The following FAM83D variants were observed in gnomAD, a reference collection of about 807,000 sequenced individuals.
FAM83D encodes the protein protein FAM83D.
FAM83D carries 26 observed loss-of-function variants against 25.4 expected under a neutral mutation model. The ratio of observed to expected loss-of-function variants is 1.02; its 90% CI spans 0.75 to 1.42. FAM83D has a LOEUF of 1.42. Ranked by LOEUF, FAM83D falls within the 40% of genes most tolerant of loss-of-function variation. The pLI is 0.00. For missense variants in FAM83D, 740 were observed against 758.1 expected, an observed-to-expected ratio of 0.98 and a Z score of 0.28; for synonymous variants, 310 against 318.5, an observed-to-expected ratio of 0.97 and a Z score of 0.28.
chr20:38,948,219 G>T (rs573891078), intron 3 of FAM83D, among the ~76,000 whole-genome samples: 1 of 152,206 alleles, frequency 6.6e-6, no homozygotes, highest in East Asian at 1.9e-4. Flanking sequence ...TTAAAATGCA[G>T]AAGTTGAACT....
At chr20:38,936,732 A>G (rs1351698830) in intron 1 of FAM83D, among the ~76,000 whole-genome samples, 2 of 152,118 alleles carry the variant, frequency 1.3e-5, no homozygotes, top group African/African-American at 4.8e-5. Flanking sequence ...AACCTCTCCA[A>G]GCTTTGGCTT....
At position 38,951,943 on chromosome 20, in the gene FAM83D, A is replaced by G. The variant is rs2085756959; in HGVS notation, c.1181A>G (p.Glu394Gly). The change falls in exon 4 of 4, where the codon GAG becomes GGG. Residue 394 changes from glutamate to glycine, a missense_variant. Physicochemically the swap from Glu to Gly is moderately conservative, Grantham distance 98. Transcript: ENST00000619850. ...GCCATTGACGCTGCCACTCAAACAG[A>G]GCCAGGAGAGGAGATGCCAGGGCTG... The part of the protein sequence containing the change: ...RKAIDAATQT[E>G]PGEEMPGLSV... The G allele has an allele frequency of 6.2e-7, 1 of 1,614,146 alleles. No individual in the cohort carries two copies. The highest frequency in any genetic ancestry group is 8.5e-7 in the Non-Finnish European group (1 of 1,180,028).
Position 38,951,668 on chromosome 20 carries a change from G to T in FAM83D, c.906G>T (p.Leu302=). The T allele has an allele frequency of 1.9e-6, 3 of 1,614,158 alleles. No individual in the cohort carries two copies. The highest frequency in any genetic ancestry group is 2.5e-6 in the Non-Finnish European group (3 of 1,180,032). The change falls in exon 4 of 4, where the codon CTG becomes CTT. Residue 302 remains leucine (L), a synonymous_variant. Transcript: ENST00000619850. ...CCAAGCCCATCAGCCCCAAACTCCT[G>T]TCTCACTTCCAGAGCAGCAACAAGT... ...AQSKPISPKL[L]SHFQSSNKFD...
chr20:38,934,541 G>A (rs1313391246), intron 1 of FAM83D, among the ~76,000 whole-genome samples: 1 of 151,534 alleles, frequency 6.6e-6, no homozygotes, highest in African/African-American at 2.4e-5. Context: ...TATAACCTCT[G>A]GAAGGGAATT....
intron 1 of FAM83D, among the ~76,000 whole-genome samples, chr20:38,937,324 A>G (rs986975507): frequency 6.6e-6 from 1 of 151,906 alleles, no homozygotes; most frequent in Admixed American, 6.6e-5. Flanking sequence ...TGCCTTCCAG[A>G]CATGCCATTG....
chr20:38,932,906 G>A (rs1221902641), intron 1 of FAM83D, among the ~76,000 whole-genome samples: 3 of 152,204 alleles, frequency 2.0e-5, no homozygotes, highest in African/African-American at 7.2e-5. Context: ...AGCGTTAGTA[G>A]TGGGGATCAT....
At chr20:38,929,295 G>A (rs954459388) in intron 1 of FAM83D, among the ~76,000 whole-genome samples, 1 of 152,336 alleles carries the variant, frequency 6.6e-6, no homozygotes, top group Admixed American at 6.5e-5. Flanking sequence ...GGGCCACAGG[G>A]GAAGGCATCA....
chr20:38,952,153 T>C lies in FAM83D; in HGVS notation c.1391T>C (p.Val464Ala). The change falls in exon 4 of 4, where the codon GTC (valine) becomes GCC (alanine). Residue 464 changes from valine (V) to alanine (A), a missense_variant. Transcript: ENST00000619850. ...RGTQSTEGSP[V>A]SKMSVSRSSS... ...ACTCAATCTACAGAAGGGTCACCAG[T>C]CTCAAAAATGTCTGTATCGAGATCT... 2 of 1,614,154 alleles carry C rather than the reference T, an allele frequency of 1.2e-6. No homozygotes were observed. Among genetic ancestry groups the C allele is most frequent in the Non-Finnish European group, 1.7e-6 (2 of 1,180,022 alleles).
chr20:38,944,064 A>C (rs1181781561), intron 2 of FAM83D, among the ~76,000 whole-genome samples: 1 of 152,246 alleles, frequency 6.6e-6, no homozygotes, highest in East Asian at 1.9e-4. Flanking sequence ...TGTAAAAATT[A>C]AGCATCTTAA....
chr20:38,952,863 G>A lies in FAM83D; in HGVS notation c.*343G>A, dbSNP rs1733. ...ACTGTATTTTTACTATACCTTTTCTGTGTTTAGATACAAATACCATTATGT... is the reference window on the plus strand; with the variant it reads ...ACTGTATTTTTACTATACCTTTTCTATGTTTAGATACAAATACCATTATGT... On this transcript the variant is annotated 3_prime_UTR_variant, in exon 4 of 4. Transcript: ENST00000619850. The A allele has an allele frequency of 0.34, 88,237 of 256,644 alleles. 16,217 individuals carry two copies. The highest frequency in any genetic ancestry group is 0.48 in the African/African-American group (21,168 of 44,252). 15.9% of individuals were successfully genotyped at this position (256,644 alleles called of 1,614,324 possible).
chr20:38,926,597 G>C lies in FAM83D; in HGVS notation c.155G>C (p.Arg52Pro). ...GGPEAFAAFL[R>P]RERLARFLNP... is the part of the protein sequence containing the mutation. Reference sequence around the variant, plus strand: ...CCCGAAGCCTTCGCGGCCTTCCTGCGACGCGAGCGCCTGGCTCGTTTCCTG... The same window carrying C: ...CCCGAAGCCTTCGCGGCCTTCCTGCCACGCGAGCGCCTGGCTCGTTTCCTG... Residue 52 changes from arginine to proline, a missense_variant, in exon 1 of 4, where the codon CGA (arginine) becomes CCA (proline). Arg to Pro is a moderately radical substitution (Grantham distance 103). Around this residue, in one of 3 missense-constraint regions of FAM83D, gnomAD observed 333 missense variants for 298.6 expected, o/e 1.12. Transcript: ENST00000619850. 6.5e-7 allele frequency: 1 copy of C among 1,546,266 alleles called. No homozygotes were observed. Among genetic ancestry groups the C allele is most frequent in the Non-Finnish European group, 8.7e-7 (1 of 1,152,258 alleles).
intron 1 of FAM83D, among the ~76,000 whole-genome samples, chr20:38,931,969 A>G (rs1464507288): frequency 1.3e-5 from 2 of 152,188 alleles, no homozygotes; most frequent in African/African-American, 2.4e-5. Context: ...CTCAGCAAGT[A>G]TTTGTCCCTG....
Position 38,952,093 on chromosome 20 carries a change from C to T in FAM83D, c.1331C>T (p.Thr444Ile). ...TIWSRSTTTQ[T>I]DMDENILFPR... ...TGGTCCAGATCGACCACTACTCAGA[C>T]TGACATGGATGAGAACATTCTCTTT... The change falls in exon 4 of 4, where the codon ACT becomes ATT. Residue 444 changes from threonine (T) to isoleucine (I), a missense_variant. By Grantham distance (89) the Thr-to-Ile change is moderately conservative. Transcript: ENST00000619850. 6.2e-7 allele frequency: 1 copy of T among 1,614,256 alleles called. No homozygotes were observed. The highest frequency in any genetic ancestry group is 8.5e-7 in the Non-Finnish European group (1 of 1,180,040).
At chr20:38,930,288 G>C (rs2085653584) in intron 1 of FAM83D, among the ~76,000 whole-genome samples, 1 of 152,216 alleles carries the variant, frequency 6.6e-6, no homozygotes, top group African/African-American at 2.4e-5. Context: ...GTCAGTTTCT[G>C]TGCTAAACCC....
At position 38,952,069 on chromosome 20, in the gene FAM83D, G is replaced by T. The variant is rs1280025879; in HGVS notation, c.1307G>T (p.Trp436Leu). The T allele has an allele frequency of 6.2e-7, 1 of 1,614,192 alleles. No individual in the cohort carries two copies. The highest frequency in any genetic ancestry group is 1.7e-5 in the Admixed American group (1 of 60,022). ...ATAGCAAGCTCTCAAACCACGATTT[G>T]GTCCAGATCGACCACTACTCAGACT... ...TRIASSQTTI[W>L]SRSTTTQTDM... The change falls in exon 4 of 4, where the codon TGG (tryptophan) becomes TTG (leucine). Residue 436 changes from tryptophan (W) to leucine (L), a missense_variant. Coordinates refer to ENST00000619850, the MANE Select transcript of FAM83D (RefSeq NM_030919.3).
At chr20:38,945,731 C>A (rs1190199638) in intron 2 of FAM83D, among the ~76,000 whole-genome samples, 1 of 92,942 alleles carries the variant, frequency 1.1e-5, no homozygotes, top group Non-Finnish European at 2.2e-5. Flanking sequence ...TCTTGACCTG[C>A]CCCCACCCCC....
At chr20:38,927,455 C>G (rs2085640971) in intron 1 of FAM83D, among the ~76,000 whole-genome samples, 1 of 150,516 alleles carries the variant, frequency 6.6e-6, no homozygotes. Flanking sequence ...CAGATAAACA[C>G]GAGAGTGGCA....
At position 38,926,635 on chromosome 20, in the gene FAM83D, G is replaced by C; in HGVS notation, c.193G>C (p.Val65Leu). ...RLARFLNPDE[V>L]HAILRAAERP... ...GGCTCGTTTCCTGAACCCCGATGAGGTGCACGCCATTCTGCGCGCGGCGGA... is the reference window on the plus strand; with the variant it reads ...GGCTCGTTTCCTGAACCCCGATGAGCTGCACGCCATTCTGCGCGCGGCGGA... The change falls in exon 1 of 4, where the codon GTG becomes CTG. Residue 65 changes from valine (V) to leucine (L), a missense_variant. Physicochemically the swap from Val to Leu is conservative, Grantham distance 32 (BLOSUM62 1). Around this residue, in one of 3 missense-constraint regions of FAM83D, gnomAD observed 333 missense variants for 298.6 expected, o/e 1.12. Transcript: ENST00000619850. 6.5e-7 allele frequency: 1 copy of C among 1,538,864 alleles called. No individual in the cohort carries two copies. The highest frequency in any genetic ancestry group is 1.2e-5 in the South Asian group (1 of 84,738).
chr20:38,937,251 G>A (rs1394235187), intron 1 of FAM83D, among the ~76,000 whole-genome samples: 1 of 152,196 alleles, frequency 6.6e-6, no homozygotes, highest in Admixed American at 6.5e-5. Flanking sequence ...GAGTGGGTGG[G>A]CTCCATGCAG....
Sources: gnomAD v4.1 joint callset for allele counts (sites outside exome capture counted in the v4.1 genomes callset) on GRCh38, gnomAD v4.1.1 for gene constraint, gnomAD v4.1.1 regional missense constraint, MANE v1.5 for transcripts, NCBI Gene and HGNC (gene_info 2026-07-23, HGNC 2026-07-21) for gene names.